Variants in EDNRB observed in about 807,000 individuals in gnomAD.
The protein encoded by EDNRB is Hirschsprung disease 2.
In EDNRB, 18 loss-of-function variants were observed where a neutral mutation model predicts 46.4. The observed-to-expected ratio is 0.39, with a 90% CI of 0.27 to 0.57. The LOEUF is 0.57. Among genes scored for constraint, EDNRB ranks in the 20% least tolerant of loss-of-function variants. The pLI, the probability that EDNRB is intolerant of heterozygous loss-of-function variation, is 0.61. For missense variants in EDNRB, 434 were observed against 537.5 expected (o/e 0.81, Z 1.90); for synonymous variants, 213 against 204.9 (o/e 1.04, Z -0.34).
intron 3 of EDNRB, among the ~76,000 whole-genome samples, chr13:77,902,832 T>G (rs1375181677): frequency 1.3e-5 from 2 of 151,966 alleles, no homozygotes; most frequent in African/African-American, 2.4e-5. Flanking sequence ...TTTGCCTGAG[T>G]GCTATTTTCA....
chr13:77,960,860 GAAA>G (rs34344431), intron 1 of EDNRB, among the ~76,000 whole-genome samples: 14 of 115,552 alleles, frequency 1.2e-4, no homozygotes, highest in Admixed American at 1.8e-4. Flanking sequence ...CAAGCAAATG[GAAA>G]AAAAAAAAAA....
At chr13:77,908,793 G>T (rs1332834713) in intron 1 of EDNRB, among the ~76,000 whole-genome samples, 2 of 151,776 alleles carry the variant, frequency 1.3e-5, no homozygotes, top group Admixed American at 1.3e-4. Context: ...CTCTCTGATC[G>T]CAAAAAGGGT....
intron 1 of EDNRB, among the ~76,000 whole-genome samples, chr13:77,952,929 T>A (rs1332843786): frequency 6.6e-6 from 1 of 152,136 alleles, no homozygotes; most frequent in Admixed American, 6.6e-5. Context: ...CAAGGGACAA[T>A]GACTGCAGAG....
chr13:77,967,328 T>C (rs1034734776), intron 1 of EDNRB, among the ~76,000 whole-genome samples: 3 of 152,164 alleles, frequency 2.0e-5, no homozygotes, highest in Non-Finnish European at 1.5e-5. Flanking sequence ...TGACTCAATG[T>C]TGGCCAATGA....
chr13:77,971,088 T>C (rs1881713948), intron 1 of EDNRB, among the ~76,000 whole-genome samples: 1 of 152,106 alleles, frequency 6.6e-6, no homozygotes, highest in Admixed American at 6.5e-5. Context: ...TCTACTGATG[T>C]TTAAGGTTGG....
chr13:77,895,588 ACAAT>A lies in EDNRB; in HGVS notation c.*2608_*2611del, dbSNP rs1878578590. The stretch of plus-strand genomic sequence containing the variant: ...CTTGTCACATTTATATTTCTTTTAA[ACAAT>A]CAATTAGTATTTAATGAATTAGTGT... On this transcript the variant is annotated 3_prime_UTR_variant, in exon 7 of 7. Transcript: ENST00000646607. 1.3e-5 allele frequency: 2 copies of A among 152,054 alleles called. No individual in the cohort carries two copies. The highest frequency in any genetic ancestry group is 4.8e-5 in the African/African-American group (2 of 41,440). 9.4% of individuals were successfully genotyped at this position (152,054 alleles called of 1,614,324 possible).
chr13:77,898,021 C>G lies in EDNRB; in HGVS notation c.*179G>C. On this transcript the variant is annotated 3_prime_UTR_variant, in exon 7 of 7. Coordinates refer to ENST00000646607, the MANE Select transcript of EDNRB (RefSeq NM_001122659.3). The stretch of plus-strand genomic sequence containing the variant: ...ATTCCCACTGATTTTCTTTCCATGC[C>G]GTAAACAGCTCATAAAATGTCATAT... 7.1e-7 allele frequency: 1 copy of G among 1,401,964 alleles called. No individual in the cohort carries two copies. The highest frequency in any genetic ancestry group is 9.3e-7 in the Non-Finnish European group (1 of 1,080,064). 86.8% of individuals were successfully genotyped at this position (1,401,964 alleles called of 1,614,324 possible).
At chr13:77,962,324 C>CA (rs919665749) in intron 1 of EDNRB, among the ~76,000 whole-genome samples, 27 of 151,578 alleles carry the variant, frequency 1.8e-4, no homozygotes, top group African/African-American at 5.3e-4. Context: ...AGAGACACAA[C>CA]AAAAAAAAGA....
At chr13:77,903,381 G>A (rs890861230) in intron 2 of EDNRB, 21 bp from the exon 3 acceptor site, 1 of 1,612,330 alleles carries the variant, frequency 6.2e-7, no homozygotes, top group Non-Finnish European at 8.5e-7. Flanking sequence ...AAATAGAATT[G>A]TATTTTAAGC....
At chr13:77,908,021 C>CAAA (rs1215042889) in intron 1 of EDNRB, among the ~76,000 whole-genome samples, 11 of 55,100 alleles carry the variant, frequency 2.0e-4, no homozygotes, top group Admixed American at 2.0e-3. Context: ...AAAGAGACTG[C>CAAA]AAAAAAAAAA....
intron 1 of EDNRB, among the ~76,000 whole-genome samples, chr13:77,930,244 C>G (rs1351048288): frequency 6.6e-6 from 1 of 151,946 alleles, no homozygotes; most frequent in Non-Finnish European, 1.5e-5. Flanking sequence ...GAAAATAAAC[C>G]AAGAAAACTG....
At chr13:77,962,726 C>A (rs1026659343) in intron 1 of EDNRB, among the ~76,000 whole-genome samples, 2 of 152,142 alleles carry the variant, frequency 1.3e-5, no homozygotes, top group Non-Finnish European at 2.9e-5. Context: ...AAGGGATGCC[C>A]TCTCTCACCA....
intron 1 of EDNRB, among the ~76,000 whole-genome samples, chr13:77,944,542 G>A (rs1322625905): frequency 3.3e-5 from 5 of 151,978 alleles, no homozygotes; most frequent in South Asian, 2.1e-4. Context: ...TACTAGAGGA[G>A]ATAAATAGGT....
chr13:77,930,923 A>G (rs567785932), intron 1 of EDNRB, among the ~76,000 whole-genome samples: 1 of 152,234 alleles, frequency 6.6e-6, no homozygotes, highest in African/African-American at 2.4e-5. Flanking sequence ...TTCCACACCT[A>G]CTTTTACCTT....
At chr13:77,960,872 A>C (rs1037756576) in intron 1 of EDNRB, among the ~76,000 whole-genome samples, 1 of 151,864 alleles carries the variant, frequency 6.6e-6, no homozygotes, top group African/African-American at 2.4e-5. Context: ...AAAAAAAAAA[A>C]AAAAAAGCAG....
Position 77,964,635 on chromosome 13 carries a change from C to T in EDNRB, c.-52+10712G>A, listed in dbSNP as rs528581236. On this transcript the variant is annotated intron_variant, in intron 1 of 7. Transcript: ENST00000646948. ...ACACACCGGGGCCTGTCATGGGGTG[C>T]GGAGAAGAAGGAGGGATAGCATTAG... Among the ~76,000 whole-genome samples, 450 of 151,916 alleles carry T rather than the reference C, an allele frequency of 3.0e-3. 4 individuals carry two copies. The highest frequency in any genetic ancestry group is 0.01 in the African/African-American group (427 of 41,422).
intron 1 of EDNRB, among the ~76,000 whole-genome samples, chr13:77,934,727 T>C (rs1290622374): frequency 6.6e-6 from 1 of 150,700 alleles, no homozygotes; most frequent in Non-Finnish European, 1.5e-5. Flanking sequence ...GAATAGCAGA[T>C]GGAACACTGA....
chr13:77,917,643 A>G (rs1357636553), intron 1 of EDNRB, among the ~76,000 whole-genome samples: 1 of 152,198 alleles, frequency 6.6e-6, no homozygotes. Context: ...GTACCCCATT[A>G]GGTGCACTTA....
chr13:77,944,060 C>T (rs988874382), intron 1 of EDNRB, among the ~76,000 whole-genome samples: 2 of 152,042 alleles, frequency 1.3e-5, no homozygotes, highest in Non-Finnish European at 2.9e-5. Flanking sequence ...GGTGCTAAGT[C>T]TTGTTTCACC....
Sources: allele counts gnomAD v4.1 joint callset (sites outside exome capture counted in the v4.1 genomes callset), GRCh38; gene constraint gnomAD v4.1.1; transcripts MANE v1.5; gene names NCBI Gene and HGNC (gene_info 2026-07-23, HGNC 2026-07-21).